C6orf120: variants seen among roughly 807,000 people sequenced by gnomAD.
C6orf120 encodes the protein UPF0669 protein C6orf120.
For missense variants in C6orf120, 311 were observed against 264.2 expected, an observed-to-expected ratio of 1.18 and a Z score of -1.23; for synonymous variants, 165 against 123.1, an observed-to-expected ratio of 1.34 and a Z score of -2.25.
rs570889194 is a variant in C6orf120, at chr6:169,703,084, T to C, written c.*49T>C. The C allele has an allele frequency of 2.2e-5, 34 of 1,512,024 alleles. No individual in the cohort carries two copies. The African/African-American group carries it at 3.9e-4, about 17-fold the overall frequency. 93.7% of individuals were successfully genotyped at this position (1,512,024 alleles called of 1,614,324 possible). The stretch of plus-strand genomic sequence containing the variant: ...TAAAACCCTCCATCTGTGAAGCTGA[T>C]TGCAGTTTGCTGTGAACCTTGCTAC... On this transcript the variant is annotated 3_prime_UTR_variant, in exon 1 of 1. Transcript: ENST00000332290.
downstream of C6orf120, chr6:169,705,417 G>A (rs573412477): frequency 1.0e-4 from 89 of 855,720 alleles, no homozygotes; most frequent in South Asian, 1.4e-3. Context: ...TCCAGAGAAT[G>A]GCTATAATGT....
chr6:169,705,620 AT>A, downstream of C6orf120: 1 of 1,385,502 alleles, frequency 7.2e-7, no homozygotes, highest in Non-Finnish European at 1.0e-6. Flanking sequence ...ACTTACCACT[AT>A]TCTCACATTG....
exon 1 of C6orf120, chr6:169,702,973 G>A (rs777110734): frequency 1.2e-6 from 2 of 1,602,418 alleles, no homozygotes; most frequent in East Asian, 2.2e-5. Flanking sequence ...GCAAGAGGAG[G>A]AATCTGTTCT....
At chr6:169,703,058 A>T (rs1788506250) in exon 1 of C6orf120, 1 of 1,537,184 alleles carries the variant, frequency 6.5e-7, no homozygotes, top group Non-Finnish European at 8.8e-7. Flanking sequence ...ACTCTGGGAT[A>T]TAAAACCCTC....
At chr6:169,704,404 C>T (rs1022618133) in exon 1 of C6orf120, 16 of 296,806 alleles carry the variant, frequency 5.4e-5, no homozygotes, top group African/African-American at 6.5e-5. Flanking sequence ...AAACCCATTC[C>T]GGAATTTGGC....
chr6:169,705,354 A>C, downstream of C6orf120: 2 of 1,484,138 alleles, frequency 1.3e-6, no homozygotes, highest in Non-Finnish European at 1.8e-6. Flanking sequence ...GGTATCTCAC[A>C]TAAGAAATTT....
exon 1 of C6orf120, chr6:169,703,065 C>A: frequency 6.5e-7 from 1 of 1,531,186 alleles, no homozygotes; most frequent in Non-Finnish European, 8.8e-7. Context: ...GATATAAAAC[C>A]CTCCATCTGT....
At chr6:169,702,783 G>C in exon 1 of C6orf120, 1 of 1,613,120 alleles carries the variant, frequency 6.2e-7, no homozygotes, top group Non-Finnish European at 8.5e-7. Flanking sequence ...CCATCCCCGC[G>C]CACTTCCGGC....
chr6:169,704,191 T>C (rs996668247), exon 1 of C6orf120: 6 of 803,406 alleles, frequency 7.5e-6, no homozygotes, highest in Non-Finnish European at 1.1e-5. Flanking sequence ...ATGATATTCC[T>C]CTCTGGATTT....
chr6:169,705,438 A>C (rs561788446), downstream of C6orf120: 2 of 754,190 alleles, frequency 2.7e-6, no homozygotes, highest in African/African-American at 3.5e-5. Flanking sequence ...CAAATCGCCA[A>C]AGAGAAATGA....
downstream of C6orf120, chr6:169,704,907 C>G: frequency 2.5e-6 from 1 of 402,854 alleles, no homozygotes; most frequent in Non-Finnish European, 4.6e-6. Flanking sequence ...TAGAACTATA[C>G]TTCCAAAACT....
exon 1 of C6orf120, chr6:169,702,219 G>C (rs1361322776): frequency 1.5e-6 from 1 of 686,778 alleles, no homozygotes; most frequent in Admixed American, 2.0e-5. Context: ...GTGCCACAGC[G>C]GCCCTGCCCC....
chr6:169,704,147 G>T, exon 1 of C6orf120: 1 of 1,335,904 alleles, frequency 7.5e-7, no homozygotes. Flanking sequence ...TGAATTTTAA[G>T]CCCATCTAAA....
At chr6:169,703,296 TA>T in exon 1 of C6orf120, 1 of 513,856 alleles carries the variant, frequency 1.9e-6, no homozygotes, top group East Asian at 3.3e-5. Context: ...GCAGGTTGAC[TA>T]AAAATGATTG....
chr6:169,702,655 G>C, exon 1 of C6orf120: 1 of 1,613,454 alleles, frequency 6.2e-7, no homozygotes, highest in Non-Finnish European at 8.5e-7. Flanking sequence ...GGGCAAGATA[G>C]TCCTCAGGAT....
At position 169,703,048 on chromosome 6, in the gene C6orf120, A is replaced by G. The variant is rs778435063; in HGVS notation, c.*13A>G. On this transcript the variant is annotated 3_prime_UTR_variant, in exon 1 of 1. Transcript: ENST00000332290. The stretch of plus-strand genomic sequence containing the variant: ...AATTCTCTTTTGAGTCGTTGACCAC[A>G]CTCTGGGATATAAAACCCTCCATCT... 10 of 1,540,284 alleles carry G rather than the reference A, an allele frequency of 6.5e-6. 1 individual carries two copies. The South Asian group carries it at 1.1e-4, about 17-fold the overall frequency.
At chr6:169,704,728 A>G (rs1788712996) in exon 1 of C6orf120, 1 of 173,486 alleles carries the variant, frequency 5.8e-6, no homozygotes, top group Admixed American at 6.5e-5. Context: ...ACTCTGTTCT[A>G]AAGTTATCTG....
At chr6:169,703,635 C>T (rs1029290322) in exon 1 of C6orf120, 4 of 236,478 alleles carry the variant, frequency 1.7e-5, no homozygotes, top group Non-Finnish European at 3.5e-5. Flanking sequence ...ATTTGTCATA[C>T]CTATGAAAAT....
chr6:169,705,622 T>C (rs1788756155), downstream of C6orf120: 6 of 1,412,662 alleles, frequency 4.2e-6, no homozygotes, highest in Non-Finnish European at 6.0e-6. Context: ...TTACCACTAT[T>C]CTCACATTGG....
Sources: gnomAD v4.1 joint callset for allele counts on GRCh38, gnomAD v4.1.1 for gene constraint, MANE v1.5 for transcripts, NCBI Gene and HGNC (gene_info 2026-07-23, HGNC 2026-07-21) for gene names.